APBB2: variants seen among roughly 807,000 people sequenced by gnomAD.
APBB2 encodes the protein Fe65-like 1.
Under a neutral mutation model 82.5 loss-of-function variants are expected in APBB2, and 38 were observed. The ratio of observed to expected loss-of-function variants is 0.46; its 90% CI spans 0.36 to 0.60. The LOEUF is 0.60. Among genes scored for constraint, APBB2 ranks in the 20% least tolerant of loss-of-function variants. The pLI is 0.00. For synonymous variants in APBB2, 341 were observed against 368.2 expected (o/e 0.93, Z 0.85); for missense variants, 772 against 972.3 (o/e 0.79, Z 2.74).
chr4:41,033,520 G>A (rs1285634813), intron 4 of APBB2, among the ~76,000 whole-genome samples: 1 of 149,840 alleles, frequency 6.7e-6, no homozygotes, highest in Non-Finnish European at 1.5e-5. Flanking sequence ...AACATTTATT[G>A]AGGATTTTTT....
At chr4:40,898,043 C>T (rs1774194981) in intron 10 of APBB2, among the ~76,000 whole-genome samples, 1 of 152,170 alleles carries the variant, frequency 6.6e-6, no homozygotes, top group Non-Finnish European at 1.5e-5. Flanking sequence ...ACCGTGTCAT[C>T]AGAGGAGTCT....
intron 4 of APBB2, among the ~76,000 whole-genome samples, chr4:41,048,395 T>G (rs778509208): frequency 2.0e-4 from 31 of 152,346 alleles, no homozygotes; most frequent in Non-Finnish European, 4.0e-4. Context: ...ACTGCTAATA[T>G]ATCAATCACA....
intron 5 of APBB2, among the ~76,000 whole-genome samples, chr4:41,022,614 C>T (rs1712109906): frequency 6.6e-6 from 1 of 152,220 alleles, no homozygotes; most frequent in Non-Finnish European, 1.5e-5. Context: ...TACAGCATCA[C>T]TCATGCTGTT....
intron 3 of APBB2, among the ~76,000 whole-genome samples, chr4:41,072,793 T>C (rs376378416): frequency 2.6e-5 from 4 of 152,142 alleles, no homozygotes; most frequent in Non-Finnish European, 4.4e-5. Flanking sequence ...ACAAAACCAA[T>C]TGCCCTGATG....
At chr4:40,835,213 T>G (rs910992396) in intron 12 of APBB2, among the ~76,000 whole-genome samples, 1 of 150,460 alleles carries the variant, frequency 6.6e-6, no homozygotes, top group Non-Finnish European at 1.5e-5. Flanking sequence ...GAGGTGGAGG[T>G]TGCAGTGAGC....
intron 3 of APBB2, among the ~76,000 whole-genome samples, chr4:41,090,257 G>C (rs1345224757): frequency 6.6e-6 from 1 of 150,824 alleles, no homozygotes; most frequent in Non-Finnish European, 1.5e-5. Flanking sequence ...AAATGAAAAT[G>C]CATCTGAATT....
At chr4:41,058,678 G>A (rs182286456) in intron 4 of APBB2, among the ~76,000 whole-genome samples, 3 of 152,332 alleles carry the variant, frequency 2.0e-5, no homozygotes, top group African/African-American at 7.2e-5. Flanking sequence ...GGGATGTGCA[G>A]AGCACCCATT....
intron 10 of APBB2, among the ~76,000 whole-genome samples, chr4:40,928,276 C>T (rs1387834267): frequency 6.6e-6 from 1 of 152,228 alleles, no homozygotes; most frequent in East Asian, 1.9e-4. Flanking sequence ...GGCGCAGTGG[C>T]TCATGCCTGT....
At chr4:41,036,634 A>AT (rs1188515860) in intron 4 of APBB2, among the ~76,000 whole-genome samples, 1 of 152,208 alleles carries the variant, frequency 6.6e-6, no homozygotes, top group African/African-American at 2.4e-5. Context: ...GTAAGAGAAA[A>AT]TGCAACAAAA....
intron 4 of APBB2, among the ~76,000 whole-genome samples, chr4:41,058,681 C>T (rs757139105): frequency 5.3e-5 from 8 of 152,218 alleles, no homozygotes; most frequent in Non-Finnish European, 1.0e-4. Context: ...ATGTGCAGAG[C>T]ACCCATTCAC....
At chr4:41,035,932 G>A (rs1718993014) in intron 4 of APBB2, among the ~76,000 whole-genome samples, 2 of 152,182 alleles carry the variant, frequency 1.3e-5, no homozygotes, top group Non-Finnish European at 2.9e-5. Flanking sequence ...ACACAGGTGG[G>A]AGGACCACCT....
At chr4:41,097,317 A>G (rs76182501) in intron 3 of APBB2, among the ~76,000 whole-genome samples, 10,686 of 152,266 alleles carry the variant, frequency 0.07, 532 homozygotes, top group Non-Finnish European at 0.1. Context: ...TGAGCCTCCT[A>G]TTCAGAATAT....
chr4:40,967,668 C>T (rs761507409), intron 6 of APBB2, among the ~76,000 whole-genome samples: 4 of 152,182 alleles, frequency 2.6e-5, no homozygotes, highest in Non-Finnish European at 5.9e-5. Context: ...CCTTGCCACT[C>T]GTGTCTGGCT....
chr4:41,202,158 C>T (rs975268815), intron 1 of APBB2, among the ~76,000 whole-genome samples: 2 of 152,168 alleles, frequency 1.3e-5, no homozygotes, highest in East Asian at 1.9e-4. Context: ...CACCACCATT[C>T]GTCTTCAAAA....
intron 4 of APBB2, among the ~76,000 whole-genome samples, chr4:41,038,761 T>G (rs1720236767): frequency 6.6e-6 from 1 of 152,198 alleles, no homozygotes; most frequent in Admixed American, 6.5e-5. Context: ...AAAGTGATAT[T>G]CACAGATAAT....
intron 2 of APBB2, among the ~76,000 whole-genome samples, chr4:41,141,901 A>T (rs985252017): frequency 6.6e-6 from 1 of 152,170 alleles, no homozygotes; most frequent in Non-Finnish European, 1.5e-5. Flanking sequence ...CTCCCATGAC[A>T]TGTGGGAATT....
chr4:41,095,583 A>C (rs918654669), intron 3 of APBB2, among the ~76,000 whole-genome samples: 7 of 152,198 alleles, frequency 4.6e-5, no homozygotes, highest in African/African-American at 1.7e-4. Flanking sequence ...AAACAATTAA[A>C]AGCAAGTAGA....
intron 10 of APBB2, among the ~76,000 whole-genome samples, chr4:40,930,947 C>T (rs559972552): frequency 2.1e-3 from 322 of 152,266 alleles, no homozygotes; most frequent in African/African-American, 7.4e-3. Context: ...CGGGGTTTCA[C>T]TGTGTTAGCC....
intron 10 of APBB2, among the ~76,000 whole-genome samples, chr4:40,923,061 GC>G (rs5857758): frequency 0.45 from 67,426 of 150,038 alleles, 15,431 homozygotes; most frequent in South Asian, 0.6. Context: ...TGCAAGCTCC[GC>G]CCTCCCAGGT....
Sources: allele counts gnomAD v4.1 joint callset (sites outside exome capture counted in the v4.1 genomes callset), GRCh38; gene constraint gnomAD v4.1.1; transcripts MANE v1.5; gene names NCBI Gene and HGNC (gene_info 2026-07-23, HGNC 2026-07-21).